Variants in TOP1 observed in about 807,000 individuals in gnomAD.
The protein encoded by TOP1 is DNA topoisomerase I.
Under a neutral mutation model 111.1 loss-of-function variants are expected in TOP1, and 10 were observed. The ratio of observed to expected loss-of-function variants is 0.09; its 90% CI spans 0.06 to 0.15. TOP1 has a LOEUF of 0.15. TOP1 is among the 10% of genes least tolerant of loss of function. TOP1 has a pLI of 1.00. For missense variants in TOP1, 474 were observed against 926.7 expected (o/e 0.51, Z 6.34); for synonymous variants, 271 against 302.9 (o/e 0.89, Z 1.10).
At chr20:41,045,248 T>C (rs949056922) in intron 2 of TOP1, among the ~76,000 whole-genome samples, 5 of 152,146 alleles carry the variant, frequency 3.3e-5, no homozygotes, top group African/African-American at 7.2e-5. Context: ...GAGATTGTGG[T>C]TTAGATTCTG....
In TOP1 at chr20:41,112,711, T is replaced by C; in HGVS notation, c.1309-71T>C. On this transcript the variant is annotated intron_variant, in intron 13 of 20. Transcript: ENST00000361337. This position sits in a 1 kb window ranked among gnomAD's most constrained non-coding sequence, Gnocchi z 5.8. Reference sequence around the variant, plus strand: ...GATTATAGGCTTGCGCCACCTTGCCTGGCTATATTCAAAGTCTGTCTTTAC... The same window carrying C: ...GATTATAGGCTTGCGCCACCTTGCCCGGCTATATTCAAAGTCTGTCTTTAC... 1 of 1,544,062 alleles carries C rather than the reference T, an allele frequency of 6.5e-7. No individual in the cohort carries two copies. Among genetic ancestry groups the C allele is most frequent in the East Asian group, 2.3e-5 (1 of 44,378 alleles).
chr20:41,031,225 G>A (rs1444009436), intron 2 of TOP1, among the ~76,000 whole-genome samples: 1 of 152,200 alleles, frequency 6.6e-6, no homozygotes, highest in East Asian at 1.9e-4. Flanking sequence ...GAAAGCCACA[G>A]TATAGACATG....
intron 6 of TOP1, among the ~76,000 whole-genome samples, 154 bp from the exon 7 acceptor site, chr20:41,081,011 C>T (rs1307807674): frequency 1.3e-5 from 2 of 152,020 alleles, no homozygotes; most frequent in Admixed American, 6.6e-5. Flanking sequence ...TCATTATTTT[C>T]TCTATTTCTG....
intron 2 of TOP1, among the ~76,000 whole-genome samples, chr20:41,051,927 A>G (rs369810648): frequency 1.3e-5 from 2 of 152,216 alleles, no homozygotes; most frequent in African/African-American, 4.8e-5. Context: ...AGTTGTTAAC[A>G]TGTTTATAAT....
intron 3 of TOP1, chr20:41,072,965 GATTA>G (rs1304375740): frequency 3.0e-6 from 3 of 985,174 alleles, no homozygotes; most frequent in Admixed American, 6.1e-5. Flanking sequence ...TGGTTTTTGT[GATTA>G]ATTGTGACCT....
chr20:41,042,704 G>A (rs573965333), intron 2 of TOP1, among the ~76,000 whole-genome samples: 2 of 152,256 alleles, frequency 1.3e-5, no homozygotes, highest in South Asian at 2.1e-4. Context: ...TCAAAAATTC[G>A]AGTTATAACT....
chr20:41,068,035 C>T (rs2033627954), intron 3 of TOP1, among the ~76,000 whole-genome samples: 1 of 152,188 alleles, frequency 6.6e-6, no homozygotes, highest in Non-Finnish European at 1.5e-5. Flanking sequence ...CCTGAGTCCC[C>T]ACTACATTAT....
In TOP1 at chr20:41,106,296, G is replaced by C. The variant is rs1001171862; in HGVS notation, c.1308+4943G>C. Among the ~76,000 whole-genome samples, 1 of 152,146 alleles carries C rather than the reference G, an allele frequency of 6.6e-6. No individual in the cohort carries two copies. The highest frequency in any genetic ancestry group is 1.5e-5 in the Non-Finnish European group (1 of 68,016). ...CTACTGTAGCTTTATAAAGTCTATTGAGTAGGACAAGTTTGTTTCATTCTT... is the reference window on the plus strand; with the variant it reads ...CTACTGTAGCTTTATAAAGTCTATTCAGTAGGACAAGTTTGTTTCATTCTT... On this transcript the variant is annotated intron_variant, in intron 13 of 20. Transcript: ENST00000361337. The surrounding 1 kb of genome is among the most constrained non-coding windows in gnomAD (Gnocchi z 4.3).
chr20:41,097,360 T>A lies in TOP1; in HGVS notation c.852+19T>A. 6.2e-7 allele frequency: 1 copy of A among 1,609,052 alleles called. No homozygotes were observed. Among genetic ancestry groups the A allele is most frequent in the Non-Finnish European group, 8.5e-7 (1 of 1,177,808 alleles). The stretch of plus-strand genomic sequence containing the variant: ...GAGAAAGGTACTGTAGCCCATGTGT[T>A]AATATCCTAGTACCTTGCAAAACAA... On this transcript the variant is annotated intron_variant, in intron 10 of 20. Coordinates refer to ENST00000361337, the MANE Select transcript of TOP1 (RefSeq NM_003286.4). This position sits in a 1 kb window ranked among gnomAD's most constrained non-coding sequence, Gnocchi z 4.2.
At position 41,114,937 on chromosome 20, in the gene TOP1, G is replaced by T. The variant is rs2034304939; in HGVS notation, c.1639-434G>T. 6.6e-6 allele frequency among the ~76,000 whole-genome samples: 1 copy of T among 152,152 alleles called. No homozygotes were observed. The highest frequency in any genetic ancestry group is 6.5e-5 in the Admixed American group (1 of 15,280). On this transcript the variant is annotated intron_variant, in intron 15 of 20. Transcript: ENST00000361337. The surrounding 1 kb of genome is among the most constrained non-coding windows in gnomAD (Gnocchi z 4.5). ...CTGTGGAAGTACTCTGGACAGATTAGATAACAGTATGTATCAATGTAAATT... is the reference window on the plus strand; with the variant it reads ...CTGTGGAAGTACTCTGGACAGATTATATAACAGTATGTATCAATGTAAATT...
At chr20:41,047,370 A>G (rs1296131544) in intron 2 of TOP1, among the ~76,000 whole-genome samples, 2 of 152,322 alleles carry the variant, frequency 1.3e-5, no homozygotes, top group East Asian at 1.9e-4. Context: ...ACAGTTTCCT[A>G]CAGTACTGTA....
Position 41,097,152 on chromosome 20 carries a change from A to C in TOP1, c.731-68A>C. 6.4e-7 allele frequency: 1 copy of C among 1,556,466 alleles called. No homozygotes were observed. Among genetic ancestry groups the C allele is most frequent in the Admixed American group, 1.9e-5 (1 of 51,470 alleles). On this transcript the variant is annotated intron_variant, in intron 9 of 20. Transcript: ENST00000361337. The surrounding 1 kb of genome is among the most constrained non-coding windows in gnomAD (Gnocchi z 4.2). ...AAACCATTATTAAAGAGAATTCGCT[A>C]GCCCTGGGTATTTATGCTTAGAACA... is the stretch of plus-strand genomic sequence containing the variant.
intron 8 of TOP1, among the ~76,000 whole-genome samples, chr20:41,087,465 G>T (rs757789459): frequency 2.6e-5 from 4 of 152,350 alleles, no homozygotes; most frequent in Non-Finnish European, 5.9e-5. Context: ...CAGGTGTTAG[G>T]TGTGACTTTA....
intron 2 of TOP1, among the ~76,000 whole-genome samples, chr20:41,033,596 A>G (rs551341058): frequency 6.6e-6 from 1 of 152,268 alleles, no homozygotes; most frequent in Admixed American, 6.5e-5. Context: ...TTGTATATTA[A>G]TTATATAGTA....
Position 41,080,296 on chromosome 20 carries a change from T to C in TOP1, c.431+116T>C, listed in dbSNP as rs1289476009. The C allele has an allele frequency of 1.6e-6, 1 of 619,816 alleles. No homozygotes were observed. The highest frequency in any genetic ancestry group is 3.5e-5 in the Admixed American group (1 of 28,184). 38.4% of individuals were successfully genotyped at this position (619,816 alleles called of 1,614,324 possible). A position where few individuals can be genotyped will look rare whatever the true frequency, so the allele number is the denominator to read the frequency against. On this transcript the variant is annotated intron_variant, in intron 6 of 20. Coordinates refer to ENST00000361337, the MANE Select transcript of TOP1 (RefSeq NM_003286.4). This position sits in a 1 kb window ranked among gnomAD's most constrained non-coding sequence, Gnocchi z 5.0. ...AACTGCATTAATTGGCTTTTACTCATTTGGAATTTGTGATTAATGGACTGA... is the reference window on the plus strand; with the variant it reads ...AACTGCATTAATTGGCTTTTACTCACTTGGAATTTGTGATTAATGGACTGA...
rs1171097378 is a variant in TOP1 at position 41,095,039 on chromosome 20, T to G, written c.731-2181T>G. 1.3e-5 allele frequency among the ~76,000 whole-genome samples: 2 copies of G among 152,126 alleles called. No individual in the cohort carries two copies. The highest frequency in any genetic ancestry group is 2.9e-5 in the Non-Finnish European group (2 of 68,026). Reference sequence around the variant, plus strand: ...AGTAAAACAGCCCAAAATCTCATTTTTTTTAAATTTATTTTTATATTTATT... The same window carrying G: ...AGTAAAACAGCCCAAAATCTCATTTGTTTTAAATTTATTTTTATATTTATT... On this transcript the variant is annotated intron_variant, in intron 9 of 20. Transcript: ENST00000361337. This position sits in a 1 kb window ranked among gnomAD's most constrained non-coding sequence, Gnocchi z 4.6.
At position 41,071,722 on chromosome 20, in the gene TOP1, G is replaced by T. The variant is rs545592897; in HGVS notation, c.156-4449G>T. On this transcript the variant is annotated intron_variant, in intron 3 of 20. Coordinates refer to ENST00000361337, the MANE Select transcript of TOP1 (RefSeq NM_003286.4). The surrounding 1 kb of genome is among the most constrained non-coding windows in gnomAD (Gnocchi z 4.3). The stretch of plus-strand genomic sequence containing the variant: ...TGAACACTCTGGAAAGGTGGCTTTG[G>T]ATCTTTCCATTTGTTCTCTTTAGCG... 2.6e-5 allele frequency among the ~76,000 whole-genome samples: 4 copies of T among 152,322 alleles called. No individual in the cohort carries two copies. The Middle Eastern group carries it at 0.01, about 389-fold the overall frequency.
At chr20:41,047,856 A>G (rs1395063455) in intron 2 of TOP1, among the ~76,000 whole-genome samples, 1 of 152,158 alleles carries the variant, frequency 6.6e-6, no homozygotes, top group East Asian at 1.9e-4. Context: ...CACTGGCAGG[A>G]CTCAGTTACC....
chr20:41,054,560 A>G (rs1204386816), intron 2 of TOP1, among the ~76,000 whole-genome samples: 1 of 152,206 alleles, frequency 6.6e-6, no homozygotes, highest in African/African-American at 2.4e-5. Context: ...CTCTATCGTA[A>G]GAGTGGTAAG....
Sources: allele counts gnomAD v4.1 joint callset (sites outside exome capture counted in the v4.1 genomes callset), GRCh38; gene constraint gnomAD v4.1.1; non-coding constraint Gnocchi (gnomAD v3.1); transcripts MANE v1.5; gene names NCBI Gene and HGNC (gene_info 2026-07-23, HGNC 2026-07-21).